Variants in SCN10A observed in about 807,000 individuals in gnomAD.
SCN10A encodes the protein sodium voltage-gated channel alpha subunit 10.
In SCN10A, 162 loss-of-function variants were observed where a neutral mutation model predicts 170.7. The ratio of observed to expected loss-of-function variants is 0.95; its 90% CI spans 0.84 to 1.08. SCN10A has a LOEUF of 1.08. SCN10A is among the 50% of genes least tolerant of loss of function. The pLI, the probability that SCN10A is intolerant of heterozygous loss-of-function variation, is 0.00. For missense variants in SCN10A, 2,527 were observed against 2,436.9 expected (o/e 1.04, Z -0.78); for synonymous variants, 985 against 904.6 (o/e 1.09, Z -1.59).
At chr3:38,766,092 G>A (rs1020014415) in intron 5 of SCN10A, among the ~76,000 whole-genome samples, 2 of 151,674 alleles carry the variant, frequency 1.3e-5, no homozygotes, top group African/African-American at 4.8e-5. Context: ...TTTGTATCCT[G>A]AAACTTTACT....
At chr3:38,787,894 C>G (rs2126056155) in intron 4 of SCN10A, among the ~76,000 whole-genome samples, 1 of 151,196 alleles carries the variant, frequency 6.6e-6, no homozygotes, top group East Asian at 2.0e-4. Flanking sequence ...TCAACTCCCA[C>G]TTATGAGTGA....
chr3:38,791,745 C>A (rs940983185), intron 3 of SCN10A, among the ~76,000 whole-genome samples: 6 of 152,160 alleles, frequency 3.9e-5, no homozygotes, highest in African/African-American at 1.2e-4. Flanking sequence ...TGTCTGGGGG[C>A]ATCAGCAAAC....
chr3:38,715,767 C>T lies in SCN10A; in HGVS notation c.3682-1687G>A, dbSNP rs575363802. Among the ~76,000 whole-genome samples the T allele has an allele frequency of 3.9e-5, 6 of 152,346 alleles. No individual in the cohort carries two copies. The South Asian group carries it at 8.3e-4, about 21-fold the overall frequency. On this transcript the variant is annotated intron_variant, in intron 21 of 27. Coordinates refer to ENST00000449082, the MANE Select transcript of SCN10A (RefSeq NM_006514.4). ...TGCCCCCAGCAGTGCTCAACACATT[C>T]ACCCTTATAATACATTTATTTCCAT... is the stretch of plus-strand genomic sequence containing the variant.
intron 5 of SCN10A, 141 bp downstream of exon 5, chr3:38,771,138 G>T: frequency 1.2e-6 from 1 of 829,982 alleles, no homozygotes; most frequent in Non-Finnish European, 1.9e-6. Context: ...GTATATTCCT[G>T]CAGTGGTTCT....
chr3:38,759,526 C>G (rs772259945), intron 8 of SCN10A, among the ~76,000 whole-genome samples: 3 of 152,128 alleles, frequency 2.0e-5, no homozygotes, highest in Non-Finnish European at 2.9e-5. Context: ...GCCTATGAAG[C>G]CTCTAGTAAA....
chr3:38,780,674 C>T (rs1035841502), intron 4 of SCN10A, among the ~76,000 whole-genome samples: 1 of 151,648 alleles, frequency 6.6e-6, no homozygotes, highest in Non-Finnish European at 1.5e-5. Flanking sequence ...TGACTTATTA[C>T]TTGCTGTTTA....
At chr3:38,747,594 A>G (rs989265722) in intron 13 of SCN10A, among the ~76,000 whole-genome samples, 3 of 152,334 alleles carry the variant, frequency 2.0e-5, no homozygotes, top group Non-Finnish European at 4.4e-5. Flanking sequence ...ACTGTGTACC[A>G]TAAGTGGAAG....
rs577070742 is a variant in SCN10A at position 38,763,014 on chromosome 3, ACTT to A, written c.691+488_691+490del. On this transcript the variant is annotated intron_variant, in intron 6 of 27. Transcript: ENST00000449082. ...CCCACACAATGAGCTTTGATGGACT[ACTT>A]TTGTTTCTGAATTCTCAGTAATCAA... is the stretch of plus-strand genomic sequence containing the variant. 3.1e-3 allele frequency among the ~76,000 whole-genome samples: 465 copies of A among 152,252 alleles called. 4 individuals carry two copies. The highest frequency in any genetic ancestry group is 5.2e-3 in the Non-Finnish European group (351 of 68,010).
chr3:38,788,861 G>A, intron 4 of SCN10A, 95 bp downstream of exon 4: 2 of 760,820 alleles, frequency 2.6e-6, no homozygotes, highest in Non-Finnish European at 2.4e-6. Flanking sequence ...ACCCACATGA[G>A]GCATGGCAGG....
chr3:38,728,977 A>C, intron 15 of SCN10A, 76 bp from the exon 16 acceptor site: 1 of 1,520,612 alleles, frequency 6.6e-7, no homozygotes, highest in Non-Finnish European at 8.8e-7. Flanking sequence ...CCTGGAAACC[A>C]AAGATCTGGG....
At chr3:38,709,410 G>A in intron 25 of SCN10A, 68 bp downstream of exon 25, 2 of 1,505,960 alleles carry the variant, frequency 1.3e-6, no homozygotes, top group South Asian at 2.7e-5. Flanking sequence ...GGCCAGAGCT[G>A]GGCAGGGAAC....
chr3:38,771,283 G>A lies in SCN10A; in HGVS notation c.595C>T (p.Leu199=). ...WNWLDFSVIT[L]AYVGTAIDLR... is the part of the protein sequence containing the mutation. ...TCTGCATAGAGATATACTCACGCCA[G>A]GGTAATGACGCTAAAATCCAGCCAG... is the stretch of plus-strand genomic sequence containing the variant. The change falls in exon 5 of 28, where the codon CTG becomes TTG. Residue 199 remains leucine, a synonymous_variant. Transcript: ENST00000449082. 6.2e-7 allele frequency: 1 copy of A among 1,613,932 alleles called. No individual in the cohort carries two copies. The highest frequency in any genetic ancestry group is 8.5e-7 in the Non-Finnish European group (1 of 1,179,898).
intron 1 of SCN10A, among the ~76,000 whole-genome samples, chr3:38,800,686 G>A (rs533284867): frequency 1.3e-5 from 2 of 152,220 alleles, no homozygotes; most frequent in African/African-American, 4.8e-5. Context: ...CCTGCCTTTT[G>A]TTGTCAGAAT....
chr3:38,714,572 C>T (rs1441882325), intron 21 of SCN10A, among the ~76,000 whole-genome samples: 1 of 152,114 alleles, frequency 6.6e-6, no homozygotes, highest in Non-Finnish European at 1.5e-5. Flanking sequence ...CCCATTTGAA[C>T]CCTGATTTTT....
chr3:38,809,853 C>T lies in SCN10A; in HGVS notation c.-33+6184G>A, dbSNP rs917999879. Among the ~76,000 whole-genome samples the T allele has an allele frequency of 9.9e-5, 15 of 152,040 alleles. No individual in the cohort carries two copies. The East Asian group carries it at 2.9e-3, about 29-fold the overall frequency. On this transcript the variant is annotated intron_variant, in intron 1 of 27. Transcript: ENST00000449082. ...AAGGGCTATATTATATGGTTCCAAC[C>T]ATGGAATTTTAAGTAATAAAGATAA...
At chr3:38,803,173 G>C (rs2064384062) in intron 1 of SCN10A, among the ~76,000 whole-genome samples, 1 of 152,168 alleles carries the variant, frequency 6.6e-6, no homozygotes, top group South Asian at 2.1e-4. Flanking sequence ...AGGATGTGGA[G>C]AAATAGGAAA....
intron 4 of SCN10A, among the ~76,000 whole-genome samples, chr3:38,774,005 G>T (rs972930153): frequency 6.6e-6 from 1 of 152,148 alleles, no homozygotes; most frequent in Non-Finnish European, 1.5e-5. Flanking sequence ...AAATGAAATT[G>T]CTGTTTTTTT....
intron 15 of SCN10A, among the ~76,000 whole-genome samples, chr3:38,730,954 C>T (rs1209400306): frequency 6.6e-6 from 1 of 152,084 alleles, no homozygotes; most frequent in Non-Finnish European, 1.5e-5. Context: ...TATGACTGCC[C>T]ACATCATGTC....
chr3:38,788,755 C>A (rs767019803), intron 4 of SCN10A, among the ~76,000 whole-genome samples: 1 of 152,118 alleles, frequency 6.6e-6, no homozygotes, highest in Non-Finnish European at 1.5e-5. Context: ...ATCTGTATCT[C>A]TTTGAAACTG....
Sources: allele counts gnomAD v4.1 joint callset (sites outside exome capture counted in the v4.1 genomes callset), GRCh38; gene constraint gnomAD v4.1.1; transcripts MANE v1.5; gene names NCBI Gene and HGNC (gene_info 2026-07-23, HGNC 2026-07-21).